TKFC: variants seen among roughly 807,000 people sequenced by gnomAD.
TKFC encodes triokinase and FMN cyclase.
TKFC carries 46 observed loss-of-function variants against 61.0 expected under a neutral mutation model. That is an observed-to-expected ratio of 0.75 (90% CI 0.60 to 0.96). The LOEUF (loss-of-function observed/expected upper bound fraction) is 0.96. Among genes scored for constraint, TKFC ranks in the 50% least tolerant of loss-of-function variants. The pLI, the probability that TKFC is intolerant of heterozygous loss-of-function variation, is 0.00. For missense variants in TKFC, 715 were observed against 777.5 expected, an observed-to-expected ratio of 0.92 and a Z score of 0.96; for synonymous variants, 314 against 330.1, an observed-to-expected ratio of 0.95 and a Z score of 0.53.
chr11:61,345,032 TAC>T (rs1857048023), intron 13 of TKFC, among the ~76,000 whole-genome samples: 2 of 151,960 alleles, frequency 1.3e-5, no homozygotes, highest in Admixed American at 6.6e-5. Flanking sequence ...GGGAGCAGAG[TAC>T]AGAGCGTCAA....
intron 1 of TKFC, chr11:61,333,795 G>T (rs754880687): frequency 1.3e-5 from 2 of 152,162 alleles, no homozygotes; most frequent in Non-Finnish European, 2.9e-5. Flanking sequence ...CATCAAACAG[G>T]CTCCCCGGGA....
rs1857100396 is a variant in TKFC, at chr11:61,345,920, T to C, written c.1549T>C (p.Leu517=). Residue 517 remains leucine (L), a synonymous_variant, in exon 17 of 18, where the codon TTA becomes CTA. Coordinates refer to ENST00000394900, the MANE Select transcript of TKFC (RefSeq NM_015533.4). ...CTGGAAGAGCCCAGGAGCTGATCTG[T>C]TACAAGTCCTGACCAAAGCAGTCAA... The part of the protein sequence containing the change: ...QAWKSPGADL[L]QVLTKAVKSA... 1 of 1,613,978 alleles carries C rather than the reference T, an allele frequency of 6.2e-7. No individual in the cohort carries two copies. Among genetic ancestry groups the C allele is most frequent in the East Asian group, 2.2e-5 (1 of 44,872 alleles).
At position 61,348,255 on chromosome 11, in the gene TKFC, T is replaced by G. The variant is rs1857236888; in HGVS notation, c.*1752T>G. 2 of 985,256 alleles carry G rather than the reference T, an allele frequency of 2.0e-6. No individual in the cohort carries two copies. The highest frequency in any genetic ancestry group is 6.1e-5 in the Admixed American group (1 of 16,262). 61.0% of individuals were successfully genotyped at this position (985,256 alleles called of 1,614,324 possible). On this transcript the variant is annotated 3_prime_UTR_variant, in exon 18 of 18. Coordinates refer to ENST00000394900, the MANE Select transcript of TKFC (RefSeq NM_015533.4). ...TCTCAGATTATGAAATAGGAAAAATTTCCTTCCTCGTGAGATAAGCACGTG... is the reference window on the plus strand; with the variant it reads ...TCTCAGATTATGAAATAGGAAAAATGTCCTTCCTCGTGAGATAAGCACGTG...
In TKFC at chr11:61,334,602, C is replaced by A; in HGVS notation, c.-109-18C>A. Reference sequence around the variant, plus strand: ...TGCGAGTTCCTTCCGCAGCTTGTATCGTTACCCACTCCTGCAGGTGCTGCT... The same window carrying A: ...TGCGAGTTCCTTCCGCAGCTTGTATAGTTACCCACTCCTGCAGGTGCTGCT... On this transcript the variant is annotated intron_variant, in intron 1 of 17. Transcript: ENST00000394900. The A allele has an allele frequency of 1.6e-6, 2 of 1,253,122 alleles. No individual in the cohort carries two copies. Among genetic ancestry groups the A allele is most frequent in the East Asian group, 2.5e-5 (1 of 40,718 alleles). The allele number at this position is 1,253,122 out of a possible 1,614,324, so 77.6% of individuals were successfully genotyped here. A position where few individuals can be genotyped will look rare whatever the true frequency, so the allele number is the denominator to read the frequency against.
rs200112646 is a variant in TKFC, at chr11:61,342,487, C to T, written c.682C>T (p.Arg228Trp). 22 of 1,614,038 alleles carry T rather than the reference C, an allele frequency of 1.4e-5. No individual in the cohort carries two copies. Among genetic ancestry groups the T allele is most frequent in the African/African-American group, 2.7e-5 (2 of 75,046 alleles). ...GATCCACGGGGAAGCTGGTGTGCGC[C>T]GGATAAAGGTAGGTGGTCCCTCTGG... Reference protein sequence around the residue: ...LGIHGEAGVRRIKMATADEIV... With the variant: ...LGIHGEAGVRWIKMATADEIV... Residue 228 changes from arginine to tryptophan, a missense_variant, in exon 8 of 18, where the codon CGG becomes TGG. By Grantham distance (101) the Arg-to-Trp change is moderately radical. Coordinates refer to ENST00000394900, the MANE Select transcript of TKFC (RefSeq NM_015533.4).
At chr11:61,334,946 C>T (rs1373306855) in intron 2 of TKFC, among the ~76,000 whole-genome samples, 1 of 152,180 alleles carries the variant, frequency 6.6e-6, no homozygotes, top group East Asian at 1.9e-4. Flanking sequence ...CCTGGGGCTG[C>T]AGCCTCTTGA....
chr11:61,339,509 T>G (rs923131730), intron 5 of TKFC, 74 bp downstream of exon 5: 9 of 1,491,398 alleles, frequency 6.0e-6, no homozygotes, highest in East Asian at 2.3e-5. Context: ...ACCCAGTAAC[T>G]GGACCTTTCC....
In TKFC at chr11:61,346,850, A is replaced by T. The variant is rs577058433; in HGVS notation, c.*347A>T. ...ATTTGGTTTTAAGACTCCCTGTGAA[A>T]TGCTTTCCGCACCTTAACCCCAGTG... On this transcript the variant is annotated 3_prime_UTR_variant, in exon 18 of 18. Transcript: ENST00000394900. This position sits in a 1 kb window ranked among gnomAD's most constrained non-coding sequence, Gnocchi z 4.1. 6.7e-6 allele frequency: 7 copies of T among 1,051,708 alleles called. No individual in the cohort carries two copies. The African/African-American group carries it at 8.4e-5, about 13-fold the overall frequency. The allele number at this position is 1,051,708 out of a possible 1,614,324, so 65.1% of individuals were successfully genotyped here.
At chr11:61,338,172 A>G (rs1389989591) in intron 3 of TKFC, 42 bp downstream of exon 3, 1 of 1,503,410 alleles carries the variant, frequency 6.7e-7, no homozygotes, top group African/African-American at 1.4e-5. Flanking sequence ...AGTGGAGTGG[A>G]CAGGGCCTCC....
At chr11:61,338,887 A>G (rs1856726902) in intron 3 of TKFC, among the ~76,000 whole-genome samples, 179 bp from the exon 4 acceptor site, 1 of 152,204 alleles carries the variant, frequency 6.6e-6, no homozygotes, top group African/African-American at 2.4e-5. Context: ...GGGAGGTCAC[A>G]GAAGGCCTCT....
intron 6 of TKFC, 69 bp from the exon 7 acceptor site, chr11:61,341,743 TCTGAGATGCTG>T: frequency 7.1e-7 from 1 of 1,413,380 alleles, no homozygotes; most frequent in East Asian, 2.3e-5. Context: ...GGGCAGGGCC[TCTGAGATGCTG>T]CTGCCACCCT....
rs151288206 is a variant in TKFC at position 61,347,990 on chromosome 11, C to T, written c.*1487C>T. 5.1e-6 allele frequency: 5 copies of T among 985,452 alleles called. No homozygotes were observed. The African/African-American group carries it at 8.7e-5, about 17-fold the overall frequency. 61.0% of individuals were successfully genotyped at this position (985,452 alleles called of 1,614,324 possible). A position where few individuals can be genotyped will look rare whatever the true frequency, so the allele number is the denominator to read the frequency against. On this transcript the variant is annotated 3_prime_UTR_variant, in exon 18 of 18. Coordinates refer to ENST00000394900, the MANE Select transcript of TKFC (RefSeq NM_015533.4). ...AGGAAAGAGCCTCCTGCCCTCCCAACCCCCGTCACCTACTTGGCCCAAATT... is the reference window on the plus strand; with the variant it reads ...AGGAAAGAGCCTCCTGCCCTCCCAATCCCCGTCACCTACTTGGCCCAAATT...
At chr11:61,344,362 T>C in intron 13 of TKFC, 89 bp downstream of exon 13, 4 of 149,594 alleles carry the variant, frequency 2.7e-5, no homozygotes, top group Admixed American at 4.1e-4. Flanking sequence ...GACCTTCCTT[T>C]TTTTTTTTTT....
chr11:61,341,306 G>C (rs1856840364), intron 5 of TKFC, 130 bp from the exon 6 acceptor site: 2 of 964,106 alleles, frequency 2.1e-6, no homozygotes, highest in East Asian at 5.2e-5. Flanking sequence ...TAAATGTGAT[G>C]GGCCAGGTTG....
Position 61,345,922 on chromosome 11 carries a change from A to G in TKFC, c.1551A>G (p.Leu517=). 3 of 1,613,962 alleles carry G rather than the reference A, an allele frequency of 1.9e-6. No individual in the cohort carries two copies. In the East Asian group the frequency reaches 6.7e-5, roughly 36 times the overall value. The change falls in exon 17 of 18, where the codon TTA becomes TTG. Residue 517 remains leucine, a synonymous_variant. Coordinates refer to ENST00000394900, the MANE Select transcript of TKFC (RefSeq NM_015533.4). ...QAWKSPGADL[L]QVLTKAVKSA... ...GGAAGAGCCCAGGAGCTGATCTGTTACAAGTCCTGACCAAAGCAGTCAAGG... is the reference window on the plus strand; with the variant it reads ...GGAAGAGCCCAGGAGCTGATCTGTTGCAAGTCCTGACCAAAGCAGTCAAGG...
chr11:61,346,747 G>C lies in TKFC; in HGVS notation c.*244G>C, dbSNP rs758765639. The C allele has an allele frequency of 3.7e-5, 47 of 1,275,892 alleles. No homozygotes were observed. The highest frequency in any genetic ancestry group is 6.0e-5 in the East Asian group (2 of 33,086). 79.0% of individuals were successfully genotyped at this position (1,275,892 alleles called of 1,614,324 possible). The stretch of plus-strand genomic sequence containing the variant: ...CCCTTTGCAGGAGGGTGGAGTCCCT[G>C]GGTCATGCCCTCCCCTGCCAGCTCT... On this transcript the variant is annotated 3_prime_UTR_variant, in exon 18 of 18. Coordinates refer to ENST00000394900, the MANE Select transcript of TKFC (RefSeq NM_015533.4). The surrounding 1 kb of genome is among the most constrained non-coding windows in gnomAD (Gnocchi z 4.1).
At chr11:61,351,286 T>A, downstream of TKFC, 60 of 324,036 alleles carry the variant, frequency 1.9e-4, no homozygotes, top group Non-Finnish European at 2.5e-4. Context: ...CACCCTTTCT[T>A]TTTTTTTTTT....
downstream of TKFC, chr11:61,350,539 C>T (rs538091161): frequency 1.8e-5 from 24 of 1,346,548 alleles, no homozygotes; most frequent in Non-Finnish European, 2.5e-5. Flanking sequence ...GCCACCAAAT[C>T]CCTCAGGGAA....
chr11:61,335,795 T>C (rs749664018), intron 2 of TKFC: 74 of 152,310 alleles, frequency 4.9e-4, no homozygotes, highest in Non-Finnish European at 8.4e-4. Context: ...TTTGTTTTAG[T>C]TTGGGTTTTT....
Sources: gnomAD v4.1 joint callset for allele counts (sites outside exome capture counted in the v4.1 genomes callset) on GRCh38, gnomAD v4.1.1 for gene constraint, Gnocchi (gnomAD v3.1) non-coding constraint, MANE v1.5 for transcripts, NCBI Gene and HGNC (gene_info 2026-07-23, HGNC 2026-07-21) for gene names.